Variants in MYCBP2 observed in about 807,000 individuals in gnomAD.
The protein encoded by MYCBP2 is MYC binding protein 2, also known as E3 ubiquitin-protein ligase MYCBP2.
A neutral mutation model predicts 525.3 loss-of-function variants in MYCBP2; 120 were observed. The ratio of observed to expected loss-of-function variants is 0.23; its 90% CI spans 0.20 to 0.27. MYCBP2 has a LOEUF of 0.27. MYCBP2 is among the 10% of genes least tolerant of loss of function. The pLI is 1.00. For synonymous variants in MYCBP2, 1,894 were observed against 1,955.8 expected (o/e 0.97, Z 0.83); for missense variants, 4,149 against 5,657.1 (o/e 0.73, Z 8.55).
At chr13:77,185,847 T>C (rs756386286) in intron 31 of MYCBP2, 24 bp downstream of exon 31, 2 of 1,503,022 alleles carry the variant, frequency 1.3e-6, no homozygotes, top group South Asian at 1.3e-5. Flanking sequence ...CTCCCTATAG[T>C]CATTTAAAAA....
At position 77,098,338 on chromosome 13, in the gene MYCBP2, C is replaced by T; in HGVS notation, c.8816G>A (p.Ser2939Asn). The T allele has an allele frequency of 1.2e-6, 2 of 1,612,080 alleles. No homozygotes were observed. The highest frequency in any genetic ancestry group is 1.3e-5 in the African/African-American group (1 of 74,986). The change falls in exon 56 of 83, where the codon AGT becomes AAT. Residue 2939 changes from serine to asparagine, a missense_variant. Ser to Asn is a conservative substitution (Grantham distance 46). This residue lies in a region of MYCBP2 where 653 missense variants were observed against 744.7 expected (regional missense o/e 0.88). Coordinates refer to ENST00000544440, the MANE Select transcript of MYCBP2 (RefSeq NM_015057.5). The part of the protein sequence containing the change: ...HSEVVEVCTS[S>N]TLKTNSLTDS... The stretch of plus-strand genomic sequence containing the variant: ...TGTTAGACTATTTGTTTTTAAAGTA[C>T]TTGAGGTGCAGACTTCGACCACCTC...
At chr13:77,062,763 A>G (rs2039529071) in intron 73 of MYCBP2, 66 bp from the exon 74 acceptor site, 2 of 1,176,292 alleles carry the variant, frequency 1.7e-6, no homozygotes, top group Admixed American at 3.6e-5. Context: ...GCTGACTGTG[A>G]CACATCACAA....
At chr13:77,118,433 T>C (rs746182465) in intron 55 of MYCBP2, 42 of 764,648 alleles carry the variant, frequency 5.5e-5, no homozygotes, top group East Asian at 3.4e-4. Context: ...TGATCAAAGA[T>C]GGAAGGAGCT....
At chr13:77,186,948 A>G (rs1287740913) in intron 30 of MYCBP2, among the ~76,000 whole-genome samples, 1 of 151,694 alleles carries the variant, frequency 6.6e-6, no homozygotes, top group East Asian at 1.9e-4. Context: ...AGCAGCTGGG[A>G]CTACAAGTGC....
At chr13:77,296,738 C>CA (rs1458430877) in intron 1 of MYCBP2, 64 bp from the exon 2 acceptor site, 1 of 1,167,284 alleles carries the variant, frequency 8.6e-7, no homozygotes, top group Non-Finnish European at 1.2e-6. Context: ...ACAAAGCTAT[C>CA]AAAAATGGGT....
At chr13:77,072,936 T>C (rs1043193852) in intron 68 of MYCBP2, among the ~76,000 whole-genome samples, 1 of 152,200 alleles carries the variant, frequency 6.6e-6, no homozygotes, top group Non-Finnish European at 1.5e-5. Flanking sequence ...TTTTAGATAG[T>C]TCTTTCATCT....
intron 3 of MYCBP2, among the ~76,000 whole-genome samples, chr13:77,283,890 C>T (rs1372639829): frequency 6.6e-6 from 1 of 151,914 alleles, no homozygotes; most frequent in African/African-American, 2.4e-5. Context: ...AGAGCCAGAC[C>T]CTGTCTCAAA....
At chr13:77,322,789 T>G (rs997252424) in intron 1 of MYCBP2, among the ~76,000 whole-genome samples, 1 of 152,252 alleles carries the variant, frequency 6.6e-6, no homozygotes, top group Non-Finnish European at 1.5e-5. Flanking sequence ...TGCATGGTTA[T>G]ACCACCATTC....
At chr13:77,300,912 G>A (rs1475281572) in intron 1 of MYCBP2, among the ~76,000 whole-genome samples, 1 of 152,148 alleles carries the variant, frequency 6.6e-6, no homozygotes, top group Non-Finnish European at 1.5e-5. Context: ...CTTCCATGGG[G>A]GTAACTGCAG....
chr13:77,140,201 C>T, intron 50 of MYCBP2, 38 bp from the exon 51 acceptor site: 1 of 1,310,724 alleles, frequency 7.6e-7, no homozygotes, highest in Non-Finnish European at 1.1e-6. Context: ...GTAGGAAGAA[C>T]ATAGAATAGA....
At chr13:77,227,955 C>G (rs1199177529) in intron 18 of MYCBP2, among the ~76,000 whole-genome samples, 1 of 152,062 alleles carries the variant, frequency 6.6e-6, no homozygotes, top group South Asian at 2.1e-4. Context: ...TACAAAACAA[C>G]TTCTCAATTA....
At chr13:77,120,162 C>T (rs1176356154) in intron 55 of MYCBP2, among the ~76,000 whole-genome samples, 1 of 151,944 alleles carries the variant, frequency 6.6e-6, no homozygotes, top group Non-Finnish European at 1.5e-5. Flanking sequence ...TAAGCAAATG[C>T]TGAGATTTTA....
intron 65 of MYCBP2, among the ~76,000 whole-genome samples, chr13:77,080,132 G>C (rs752239063): frequency 3.9e-5 from 6 of 152,168 alleles, no homozygotes; most frequent in Non-Finnish European, 7.4e-5. Context: ...AGTTACACCA[G>C]TGGAAATTCT....
At chr13:77,172,310 T>A (rs974681624) in intron 37 of MYCBP2, among the ~76,000 whole-genome samples, 2 of 151,976 alleles carry the variant, frequency 1.3e-5, no homozygotes, top group African/African-American at 4.8e-5. Context: ...CATGTATGGC[T>A]GGAAGAAAAG....
intron 1 of MYCBP2, among the ~76,000 whole-genome samples, chr13:77,318,754 AAAAC>A (rs201826002): frequency 0.027 from 4,178 of 152,298 alleles, 92 homozygotes; most frequent in Non-Finnish European, 0.041. Context: ...ACTCTGCCTC[AAAAC>A]AAACAAACAA....
intron 37 of MYCBP2, among the ~76,000 whole-genome samples, chr13:77,173,793 T>C (rs904813076): frequency 6.6e-6 from 1 of 152,222 alleles, no homozygotes; most frequent in Non-Finnish European, 1.5e-5. Context: ...ATCATTCTTT[T>C]ATTTTCCAAG....
intron 3 of MYCBP2, among the ~76,000 whole-genome samples, chr13:77,280,777 T>A (rs946736121): frequency 6.6e-6 from 1 of 152,216 alleles, no homozygotes; most frequent in East Asian, 1.9e-4. Context: ...TTAGTGAGAC[T>A]GGCCCATAAA....
In MYCBP2 at chr13:77,273,551, C is replaced by A. The variant is rs772857572; in HGVS notation, c.866G>T (p.Trp289Leu). The change falls in exon 5 of 83, where the codon TGG becomes TTG. Residue 289 changes from tryptophan (W) to leucine (L), a missense_variant. This residue lies in a region of MYCBP2 where 413 missense variants were observed against 451.2 expected (regional missense o/e 0.92). Coordinates refer to ENST00000544440, the MANE Select transcript of MYCBP2 (RefSeq NM_015057.5). ...CTGAAGTGTCCTTCCTGTTTCTCCCCAAGAAGCCACCAGACTAAAGAGGCA... is the reference window on the plus strand; with the variant it reads ...CTGAAGTGTCCTTCCTGTTTCTCCCAAAGAAGCCACCAGACTAAAGAGGCA... ...CACLFSLVAS[W>L]GETGRTLQAI... 9.3e-6 allele frequency: 15 copies of A among 1,613,504 alleles called. No homozygotes were observed. Among genetic ancestry groups the A allele is most frequent in the Non-Finnish European group, 1.0e-5 (12 of 1,179,840 alleles).
chr13:77,283,838 C>T (rs942732833), intron 3 of MYCBP2, among the ~76,000 whole-genome samples: 5 of 152,152 alleles, frequency 3.3e-5, no homozygotes, highest in African/African-American at 9.7e-5. Context: ...CGGAAGTTAA[C>T]GGTGAGCTGA....
Sources: gnomAD v4.1 joint callset for allele counts (sites outside exome capture counted in the v4.1 genomes callset) on GRCh38, gnomAD v4.1.1 for gene constraint, gnomAD v4.1.1 regional missense constraint, MANE v1.5 for transcripts, NCBI Gene and HGNC (gene_info 2026-07-23, HGNC 2026-07-21) for gene names.